The following CACNA1C variants were observed in gnomAD, a reference collection of about 807,000 sequenced individuals.
CACNA1C encodes calcium voltage-gated channel subunit alpha1 C, also known as voltage-dependent L-type calcium channel subunit alpha-1C.
A neutral mutation model predicts 229.0 loss-of-function variants in CACNA1C; 30 were observed. The observed-to-expected ratio is 0.13, with a 90% CI of 0.10 to 0.18. The LOEUF is 0.18. Ranked by LOEUF, CACNA1C falls within the 10% of genes least tolerant of loss-of-function variation. The probability of loss-of-function intolerance (pLI) is 1.00; values close to 1 mark genes in which losing one functional copy is unlikely to be tolerated. For missense variants in CACNA1C, 1,658 were observed against 2,845.0 expected, an observed-to-expected ratio of 0.58 and a Z score of 9.49; for synonymous variants, 1,114 against 1,132.5, an observed-to-expected ratio of 0.98 and a Z score of 0.33.
chr12:2,336,220 G>A (rs912330343), intron 3 of CACNA1C, among the ~76,000 whole-genome samples: 1 of 152,188 alleles, frequency 6.6e-6, no homozygotes, highest in African/African-American at 2.4e-5. Flanking sequence ...AACAACCAGA[G>A]TGCACTAGGC....
chr12:2,549,592 G>A (rs1423159277), intron 9 of CACNA1C, among the ~76,000 whole-genome samples: 3 of 152,330 alleles, frequency 2.0e-5, no homozygotes, highest in East Asian at 1.9e-4. Context: ...GTGGCAAGTG[G>A]TAGTTGCAAA....
At chr12:2,037,991 C>T (rs1401694577) in intron 1 of CACNA1C, among the ~76,000 whole-genome samples, 2 of 151,932 alleles carry the variant, frequency 1.3e-5, no homozygotes, top group African/African-American at 4.8e-5. Flanking sequence ...GGCTTCTCTT[C>T]GGGACCACCG....
At chr12:2,230,264 A>G (rs911586692) in intron 3 of CACNA1C, among the ~76,000 whole-genome samples, 2 of 152,132 alleles carry the variant, frequency 1.3e-5, no homozygotes, top group Non-Finnish European at 2.9e-5. Context: ...GAAGGGCGCC[A>G]TGGGTGTACG....
chr12:2,616,531 A>G (rs1188574972), intron 29 of CACNA1C, among the ~76,000 whole-genome samples: 1 of 151,724 alleles, frequency 6.6e-6, no homozygotes, highest in African/African-American at 2.4e-5. Flanking sequence ...ACTCTTTCCC[A>G]CCCAGTCCTG....
chr12:2,272,558 GAAC>G (rs1316745682), intron 3 of CACNA1C, among the ~76,000 whole-genome samples: 2 of 152,178 alleles, frequency 1.3e-5, no homozygotes, highest in African/African-American at 2.4e-5. Flanking sequence ...AATTTCTTAA[GAAC>G]ACAAGAAAGG....
At chr12:2,008,900 G>A (rs1188142851) in intron 1 of CACNA1C, among the ~76,000 whole-genome samples, 2 of 152,144 alleles carry the variant, frequency 1.3e-5, no homozygotes, top group Admixed American at 6.5e-5. Flanking sequence ...CTTCTAGGAT[G>A]ACGCCAGCCT....
chr12:2,554,015 T>C (rs1265987443), intron 10 of CACNA1C, among the ~76,000 whole-genome samples: 1 of 152,202 alleles, frequency 6.6e-6, no homozygotes, highest in African/African-American at 2.4e-5. Context: ...GCCATCTGAC[T>C]TATATTAAAG....
At chr12:2,371,138 G>T (rs1173125399) in intron 3 of CACNA1C, among the ~76,000 whole-genome samples, 1 of 152,210 alleles carries the variant, frequency 6.6e-6, no homozygotes, top group African/African-American at 2.4e-5. Context: ...GACTAATTCT[G>T]AGTAGCTTCA....
At chr12:2,520,677 G>T (rs200422804) in intron 9 of CACNA1C, among the ~76,000 whole-genome samples, 2 of 125,058 alleles carry the variant, frequency 1.6e-5, no homozygotes, top group Non-Finnish European at 1.6e-5. Context: ...GTGTGCTTCA[G>T]AGGAGGGAAG....
intron 3 of CACNA1C, among the ~76,000 whole-genome samples, chr12:2,273,236 A>G (rs1458046859): frequency 6.6e-6 from 1 of 152,190 alleles, no homozygotes; most frequent in Non-Finnish European, 1.5e-5. Context: ...ACTACCTAAT[A>G]CGGTGTAAGT....
chr12:2,159,204 T>A (rs1488880369), intron 3 of CACNA1C, among the ~76,000 whole-genome samples: 5 of 152,086 alleles, frequency 3.3e-5, no homozygotes, highest in Non-Finnish European at 7.4e-5. Context: ...CTTTAAATTA[T>A]GTGTATAGGC....
intron 1 of CACNA1C, among the ~76,000 whole-genome samples, chr12:2,005,360 T>C (rs895596416): frequency 1.3e-5 from 2 of 152,246 alleles, no homozygotes; most frequent in Non-Finnish European, 2.9e-5. Context: ...GCTTGAGTTG[T>C]AGGCCGAATT....
At chr12:2,531,200 G>A (rs1373016486) in intron 9 of CACNA1C, among the ~76,000 whole-genome samples, 1 of 152,176 alleles carries the variant, frequency 6.6e-6, no homozygotes, top group Admixed American at 6.5e-5. Flanking sequence ...GCTAACAGGA[G>A]GTTTACCCAG....
chr12:2,518,780 C>T (rs1240581271), intron 9 of CACNA1C, among the ~76,000 whole-genome samples: 1 of 152,144 alleles, frequency 6.6e-6, no homozygotes, highest in African/African-American at 2.4e-5. Context: ...CTGTTCATAC[C>T]TTGCACTGTT....
intron 3 of CACNA1C, among the ~76,000 whole-genome samples, chr12:2,184,296 T>A (rs993850886): frequency 6.6e-6 from 1 of 152,194 alleles, no homozygotes; most frequent in African/African-American, 2.4e-5. Flanking sequence ...TTTATTCTTA[T>A]AAATCTTCTA....
chr12:2,463,748 A>C (rs1000412836), intron 5 of CACNA1C, among the ~76,000 whole-genome samples: 1 of 152,194 alleles, frequency 6.6e-6, no homozygotes, highest in Non-Finnish European at 1.5e-5. Context: ...GCAGAGGTGA[A>C]AATCAGATTG....
chr12:2,071,976 T>C (rs1300356193), intron 1 of CACNA1C, among the ~76,000 whole-genome samples: 1 of 152,206 alleles, frequency 6.6e-6, no homozygotes, highest in African/African-American at 2.4e-5. Context: ...AATACTTTAC[T>C]ACCATCACAA....
At chr12:2,041,300 G>A (rs1486429224) in intron 1 of CACNA1C, among the ~76,000 whole-genome samples, 5 of 115,440 alleles carry the variant, frequency 4.3e-5, no homozygotes, top group African/African-American at 7.6e-5. Flanking sequence ...TTTTTGAGAC[G>A]GAGTCTTGCT....
intron 2 of CACNA1C, among the ~76,000 whole-genome samples, chr12:2,118,791 G>A (rs553369210): frequency 2.6e-5 from 4 of 152,294 alleles, no homozygotes; most frequent in Non-Finnish European, 4.4e-5. Flanking sequence ...TCTGGGTTCC[G>A]GTCCAGGCTC....
Sources: allele counts gnomAD v4.1 joint callset (sites outside exome capture counted in the v4.1 genomes callset), GRCh38; gene constraint gnomAD v4.1.1; transcripts MANE v1.5; gene names NCBI Gene and HGNC (gene_info 2026-07-23, HGNC 2026-07-21).